FBXL7: variants seen among roughly 807,000 people sequenced by gnomAD.
FBXL7 encodes F-box/LRR-repeat protein 7.
A neutral mutation model predicts 38.3 loss-of-function variants in FBXL7; 12 were observed. That is an observed-to-expected ratio of 0.31 (90% CI 0.20 to 0.51). The LOEUF (loss-of-function observed/expected upper bound fraction) is 0.51, where lower values mean the gene tolerates loss of function less well. Ranked by LOEUF, FBXL7 falls within the 20% of genes least tolerant of loss-of-function variation. FBXL7 has a pLI of 0.98. For missense variants in FBXL7, 567 were observed against 676.4 expected (o/e 0.84, Z 1.79); for synonymous variants, 297 against 300.9 (o/e 0.99, Z 0.13).
rs140865850 is a variant in FBXL7, at chr5:15,731,722, AC to A, written c.127+115652del. 3.2e-4 allele frequency among the ~76,000 whole-genome samples: 48 copies of A among 152,310 alleles called. 1 individual carries two copies. The East Asian group carries it at 8.3e-3, about 26-fold the overall frequency. The stretch of plus-strand genomic sequence containing the variant: ...TGATGTGTCACATAATACATGGATT[AC>A]CTTTTCATGCCGAGAGTTCTGTTAG... On this transcript the variant is annotated intron_variant, in intron 2 of 3. Coordinates refer to ENST00000504595, the MANE Select transcript of FBXL7 (RefSeq NM_012304.5).
chr5:15,541,699 C>A (rs994591069), intron 1 of FBXL7, among the ~76,000 whole-genome samples: 15 of 151,426 alleles, frequency 9.9e-5, no homozygotes, highest in African/African-American at 3.6e-4. Flanking sequence ...CGCCCGCCAC[C>A]ACGCTTGGCT....
At chr5:15,599,194 G>T (rs1276150724) in intron 1 of FBXL7, among the ~76,000 whole-genome samples, 2 of 152,102 alleles carry the variant, frequency 1.3e-5, no homozygotes, top group Admixed American at 1.3e-4. Context: ...ATGCTCTTAG[G>T]GGACATAGCA....
chr5:15,818,719 T>A (rs1738085740), intron 2 of FBXL7, among the ~76,000 whole-genome samples: 1 of 88,512 alleles, frequency 1.1e-5, no homozygotes, highest in Non-Finnish European at 2.7e-5. Context: ...TGTGTGTGTG[T>A]GTGTGTGTGT....
At chr5:15,566,920 G>A (rs1473720151) in intron 1 of FBXL7, among the ~76,000 whole-genome samples, 1 of 152,112 alleles carries the variant, frequency 6.6e-6, no homozygotes, top group African/African-American at 2.4e-5. Flanking sequence ...TTATTGCAGA[G>A]CTATTTATTC....
chr5:15,620,529 C>T (rs6870504), intron 2 of FBXL7, among the ~76,000 whole-genome samples: 14,478 of 151,684 alleles, frequency 0.095, 780 homozygotes, highest in Middle Eastern at 0.15. Flanking sequence ...TTATTACAGG[C>T]GTGAGCCACC....
intron 1 of FBXL7, chr5:15,606,927 A>G (rs1468783417): frequency 6.6e-6 from 1 of 152,198 alleles, no homozygotes; most frequent in African/African-American, 2.4e-5. Context: ...TACAATATGT[A>G]TTCAGTTTCT....
intron 2 of FBXL7, among the ~76,000 whole-genome samples, chr5:15,796,311 C>A (rs2126736291): frequency 6.6e-6 from 1 of 152,294 alleles, no homozygotes; most frequent in South Asian, 2.1e-4. Context: ...CGGGCCAAAT[C>A]TGTCCTTTCC....
chr5:15,888,983 G>A (rs144316505), intron 2 of FBXL7, among the ~76,000 whole-genome samples: 20 of 152,256 alleles, frequency 1.3e-4, no homozygotes, highest in East Asian at 9.7e-4. Context: ...CCAGTACTGC[G>A]GTTCCCCTAA....
chr5:15,627,384 G>T (rs557366567), intron 2 of FBXL7, among the ~76,000 whole-genome samples: 1 of 152,154 alleles, frequency 6.6e-6, no homozygotes, highest in Non-Finnish European at 1.5e-5. Flanking sequence ...CAGTGGAAGC[G>T]TGGAAAGGAA....
chr5:15,594,448 G>A (rs553777351), intron 1 of FBXL7, among the ~76,000 whole-genome samples: 2 of 152,200 alleles, frequency 1.3e-5, no homozygotes, highest in Non-Finnish European at 2.9e-5. Flanking sequence ...GGTATATTTT[G>A]CGTGAATGAT....
At chr5:15,727,045 G>C (rs1055438408) in intron 2 of FBXL7, among the ~76,000 whole-genome samples, 1 of 152,140 alleles carries the variant, frequency 6.6e-6, no homozygotes, top group African/African-American at 2.4e-5. Flanking sequence ...ACATCCTGAA[G>C]TTATGCCATT....
intron 1 of FBXL7, among the ~76,000 whole-genome samples, chr5:15,519,674 A>G (rs960106383): frequency 4.6e-5 from 7 of 152,174 alleles, no homozygotes; most frequent in African/African-American, 1.7e-4. Flanking sequence ...GAAAAATCTG[A>G]GAAAGAGTTT....
chr5:15,502,092 C>T (rs1045613068), intron 1 of FBXL7, among the ~76,000 whole-genome samples: 1 of 151,978 alleles, frequency 6.6e-6, no homozygotes, highest in Non-Finnish European at 1.5e-5. Flanking sequence ...AGTGATTAAG[C>T]CTTCTTACTC....
chr5:15,616,093 A>C (rs965810147), intron 2 of FBXL7, 21 bp downstream of exon 2: 23 of 1,558,544 alleles, frequency 1.5e-5, no homozygotes, highest in Middle Eastern at 1.7e-4. Context: ...GGTCTTCATT[A>C]TCTCTCTTTC....
chr5:15,899,905 G>A (rs959616590), intron 2 of FBXL7, among the ~76,000 whole-genome samples: 1 of 152,160 alleles, frequency 6.6e-6, no homozygotes, highest in African/African-American at 2.4e-5. Flanking sequence ...AGAAAATGTC[G>A]CCAAGTATTT....
At chr5:15,817,961 A>G (rs1005111362) in intron 2 of FBXL7, among the ~76,000 whole-genome samples, 4 of 152,296 alleles carry the variant, frequency 2.6e-5, no homozygotes, top group Middle Eastern at 3.4e-3. Context: ...CCTAGCGCTT[A>G]GGAGGCATGA....
At chr5:15,529,578 C>T (rs189973568) in intron 1 of FBXL7, among the ~76,000 whole-genome samples, 1,576 of 151,978 alleles carry the variant, frequency 0.01, 16 homozygotes, top group Non-Finnish European at 0.014. Context: ...GTAGTAGAGA[C>T]GGGGTTTCAC....
At chr5:15,674,989 A>T (rs189354427) in intron 2 of FBXL7, among the ~76,000 whole-genome samples, 1 of 152,192 alleles carries the variant, frequency 6.6e-6, no homozygotes, top group East Asian at 1.9e-4. Context: ...AATGAACCTG[A>T]TATCAACAGA....
At chr5:15,651,638 T>C (rs1242654150) in intron 2 of FBXL7, among the ~76,000 whole-genome samples, 2 of 152,216 alleles carry the variant, frequency 1.3e-5, no homozygotes, top group East Asian at 3.8e-4. Flanking sequence ...AGATGTGCCG[T>C]TATTCAGCTT....
Sources: gnomAD v4.1 joint callset for allele counts (sites outside exome capture counted in the v4.1 genomes callset) on GRCh38, gnomAD v4.1.1 for gene constraint, MANE v1.5 for transcripts, NCBI Gene and HGNC (gene_info 2026-07-23, HGNC 2026-07-21) for gene names.